DLG2: variants seen among roughly 807,000 people sequenced by gnomAD.
DLG2 encodes discs large MAGUK scaffold protein 2, also known as disks large homolog 2.
DLG2 carries 45 observed loss-of-function variants against 132.5 expected under a neutral mutation model. The ratio of observed to expected loss-of-function variants is 0.34; its 90% CI spans 0.27 to 0.44. DLG2 has a LOEUF of 0.44. DLG2 is among the 20% of genes least tolerant of loss of function. The pLI, the probability that DLG2 is intolerant of heterozygous loss-of-function variation, is 1.00. For missense variants in DLG2, 1,045 were observed against 1,196.9 expected, an observed-to-expected ratio of 0.87 and a Z score of 1.87; for synonymous variants, 424 against 419.6, an observed-to-expected ratio of 1.01 and a Z score of -0.13.
At chr11:83,897,261 T>C (rs1158411255) in intron 15 of DLG2, among the ~76,000 whole-genome samples, 1 of 152,198 alleles carries the variant, frequency 6.6e-6, no homozygotes, top group Non-Finnish European at 1.5e-5. Flanking sequence ...ATTTGGGCCA[T>C]AGCTGAATTA....
chr11:83,746,501 C>G (rs1410398661), intron 18 of DLG2, among the ~76,000 whole-genome samples: 1 of 152,012 alleles, frequency 6.6e-6, no homozygotes, highest in African/African-American at 2.4e-5. Flanking sequence ...ACCGCACGTT[C>G]TCACTTATAG....
At chr11:84,801,975 T>A (rs577803688) in intron 6 of DLG2, among the ~76,000 whole-genome samples, 17 of 152,288 alleles carry the variant, frequency 1.1e-4, no homozygotes, top group Admixed American at 1.0e-3. Context: ...TCTAAAAAAC[T>A]GACCAGTTTA....
chr11:83,646,091 A>C (rs1041150791), intron 18 of DLG2, among the ~76,000 whole-genome samples: 6 of 152,148 alleles, frequency 3.9e-5, no homozygotes, highest in Non-Finnish European at 5.9e-5. Flanking sequence ...TAACAGATAC[A>C]CAAGAGCTTA....
chr11:84,482,612 G>A (rs2099140713), intron 7 of DLG2, among the ~76,000 whole-genome samples: 1 of 152,168 alleles, frequency 6.6e-6, no homozygotes, highest in African/African-American at 2.4e-5. Flanking sequence ...TGTAAATGTT[G>A]AAGAATAAAT....
intron 6 of DLG2, among the ~76,000 whole-genome samples, chr11:84,636,562 A>G (rs558317490): frequency 2.0e-5 from 3 of 152,196 alleles, no homozygotes; most frequent in Admixed American, 6.5e-5. Flanking sequence ...ACAGACACAT[A>G]AAAATGACGG....
chr11:85,424,217 G>C (rs989617967), intron 3 of DLG2, among the ~76,000 whole-genome samples: 1 of 152,176 alleles, frequency 6.6e-6, no homozygotes, highest in African/African-American at 2.4e-5. Flanking sequence ...AAGGGTGGAT[G>C]ATCCCCCTTT....
chr11:85,207,932 C>T (rs1405951443), intron 4 of DLG2, among the ~76,000 whole-genome samples: 1 of 151,842 alleles, frequency 6.6e-6, no homozygotes, highest in Non-Finnish European at 1.5e-5. Context: ...AAACCCATTT[C>T]AAAAGTAACC....
At chr11:84,520,779 C>T (rs776933702) in intron 7 of DLG2, among the ~76,000 whole-genome samples, 2 of 152,122 alleles carry the variant, frequency 1.3e-5, no homozygotes, top group South Asian at 2.1e-4. Context: ...GTTCTTTAAG[C>T]GTAGATGGTA....
intron 6 of DLG2, among the ~76,000 whole-genome samples, chr11:84,663,333 C>T (rs2154548248): frequency 6.6e-6 from 1 of 151,856 alleles, no homozygotes; most frequent in South Asian, 2.1e-4. Flanking sequence ...ATCTCTTTCT[C>T]CCTCCCTTCC....
rs184224165 is a variant in DLG2, at chr11:84,593,359, G to A, written c.358-58628C>T. Among the ~76,000 whole-genome samples the A allele has an allele frequency of 1.4e-4, 22 of 152,228 alleles. No homozygotes were observed. In the East Asian group the frequency reaches 3.7e-3, roughly 25 times the overall value. On this transcript the variant is annotated intron_variant, in intron 6 of 27. Coordinates refer to ENST00000376104, the MANE Select transcript of DLG2 (RefSeq NM_001142699.3). Reference sequence around the variant, plus strand: ...CACAGGCACACGTATGTATATTGCAGCACTGTTCACAACAGCAAAGACTTG... The same window carrying A: ...CACAGGCACACGTATGTATATTGCAACACTGTTCACAACAGCAAAGACTTG...
intron 6 of DLG2, among the ~76,000 whole-genome samples, chr11:84,731,958 A>G (rs540345618): frequency 6.8e-4 from 104 of 152,120 alleles, no homozygotes; most frequent in African/African-American, 2.4e-3. Flanking sequence ...CCCCCATCCC[A>G]AAGCAATCAC....
chr11:85,434,539 T>C (rs1348124574), intron 3 of DLG2, among the ~76,000 whole-genome samples: 3 of 152,080 alleles, frequency 2.0e-5, no homozygotes, highest in Non-Finnish European at 2.9e-5. Context: ...GAGAATACTA[T>C]AAACACCTCT....
intron 11 of DLG2, among the ~76,000 whole-genome samples, chr11:84,026,954 T>C (rs982081276): frequency 3.9e-5 from 6 of 152,150 alleles, no homozygotes; most frequent in African/African-American, 1.4e-4. Flanking sequence ...ATTTCTATTA[T>C]ATTCCTTATT....
In DLG2 at chr11:83,745,542, G is replaced by A. The variant is rs116843249; in HGVS notation, c.1825+41148C>T. ...TTAAAAGCCTGTAGCTGAGCACAGT[G>A]GCTGTAATCCCAGCGCTTTGAGAGG... On this transcript the variant is annotated intron_variant, in intron 18 of 27. Transcript: ENST00000376104. Among the ~76,000 whole-genome samples, 83 of 152,220 alleles carry A rather than the reference G, an allele frequency of 5.5e-4. No individual in the cohort carries two copies. In the East Asian group the frequency reaches 0.014, roughly 25 times the overall value.
intron 4 of DLG2, among the ~76,000 whole-genome samples, chr11:85,260,832 T>A (rs569046999): frequency 2.0e-4 from 31 of 152,284 alleles, no homozygotes; most frequent in South Asian, 1.9e-3. Flanking sequence ...ATTACACTGA[T>A]CTGCATGTGG....
intron 21 of DLG2, among the ~76,000 whole-genome samples, chr11:83,500,273 CG>C (rs1223395060): frequency 1.3e-5 from 2 of 151,782 alleles, no homozygotes; most frequent in Admixed American, 1.3e-4. Flanking sequence ...GTATCTAGGA[CG>C]GAGGATCCTA....
Position 84,654,602 on chromosome 11 carries a change from A to G in DLG2, c.358-119871T>C, listed in dbSNP as rs184799144. Among the ~76,000 whole-genome samples the G allele has an allele frequency of 2.6e-5, 4 of 152,310 alleles. No homozygotes were observed. The East Asian group carries it at 7.7e-4, about 29-fold the overall frequency. On this transcript the variant is annotated intron_variant, in intron 6 of 27. Coordinates refer to ENST00000376104, the MANE Select transcript of DLG2 (RefSeq NM_001142699.3). Reference sequence around the variant, plus strand: ...TCCTGTCATTTATACCATTTTTCCAACTGTATTAAAGGACGTGCTGTTCTG... The same window carrying G: ...TCCTGTCATTTATACCATTTTTCCAGCTGTATTAAAGGACGTGCTGTTCTG...
At chr11:83,852,326 A>C (rs904723101) in intron 16 of DLG2, among the ~76,000 whole-genome samples, 6 of 152,252 alleles carry the variant, frequency 3.9e-5, no homozygotes, top group Non-Finnish European at 7.3e-5. Flanking sequence ...ATGACCTGTC[A>C]CTTCAGAAAA....
intron 15 of DLG2, among the ~76,000 whole-genome samples, chr11:83,893,545 C>A (rs553332891): frequency 1.3e-5 from 2 of 152,194 alleles, no homozygotes; most frequent in African/African-American, 4.8e-5. Context: ...CCCTGAGATG[C>A]CTTCCCTGGT....
Sources: gnomAD v4.1 joint callset for allele counts (sites outside exome capture counted in the v4.1 genomes callset) on GRCh38, gnomAD v4.1.1 for gene constraint, MANE v1.5 for transcripts, NCBI Gene and HGNC (gene_info 2026-07-23, HGNC 2026-07-21) for gene names.